Variants in NFIB observed in about 807,000 individuals in gnomAD.
NFIB encodes nuclear factor I B.
NFIB carries 11 observed loss-of-function variants against 61.5 expected under a neutral mutation model. The observed-to-expected ratio is 0.18, with a 90% CI of 0.11 to 0.30. The LOEUF (loss-of-function observed/expected upper bound fraction) is 0.30, where lower values mean the gene tolerates loss of function less well. Among genes scored for constraint, NFIB ranks in the 10% least tolerant of loss-of-function variants. NFIB has a pLI of 1.00. For missense variants in NFIB, 471 were observed against 608.9 expected (o/e 0.77, Z 2.38); for synonymous variants, 260 against 216.5 (o/e 1.20, Z -1.76).
chr9:14,242,545 G>C lies in NFIB; in HGVS notation c.563-62765C>G, dbSNP rs750032002. ...TAATAAAAATTGATTAAGCATCACA[G>C]AGCACAAACAAAGCTGCTCCATAAA... On this transcript the variant is annotated intron_variant, in intron 2 of 10. Transcript: ENST00000380953. 2.0e-5 allele frequency among the ~76,000 whole-genome samples: 3 copies of C among 152,224 alleles called. No individual in the cohort carries two copies. The East Asian group carries it at 5.8e-4, about 29-fold the overall frequency.
the NFIB span, among the ~76,000 whole-genome samples, chr9:14,420,747 C>G: frequency 6.6e-6 from 1 of 152,220 alleles, no homozygotes; most frequent in African/African-American, 2.4e-5. Flanking sequence ...TTCATCATAG[C>G]TAAAATACTA....
intron 2 of NFIB, among the ~76,000 whole-genome samples, chr9:14,198,227 G>T (rs564421976): frequency 6.6e-6 from 1 of 152,106 alleles, no homozygotes; most frequent in East Asian, 1.9e-4. Context: ...CACACTGCAC[G>T]TCTCCAAGGA....
intron 2 of NFIB, among the ~76,000 whole-genome samples, chr9:14,269,934 A>G (rs1316407666): frequency 1.3e-5 from 2 of 152,148 alleles, no homozygotes; most frequent in Admixed American, 6.6e-5. Context: ...TAAAAACAAA[A>G]TGGCAAGCTA....
intron 2 of NFIB, among the ~76,000 whole-genome samples, chr9:14,299,249 T>C (rs2059618944): frequency 1.3e-5 from 2 of 152,214 alleles, no homozygotes; most frequent in Non-Finnish European, 2.9e-5. Flanking sequence ...CATTTATCCA[T>C]GTATTTTTTT....
intron 1 of NFIB, among the ~76,000 whole-genome samples, chr9:14,348,634 C>CCTT (rs748106619): frequency 6.6e-6 from 1 of 152,202 alleles, no homozygotes; most frequent in Non-Finnish European, 1.5e-5. Context: ...CGCCTGGAAC[C>CCTT]CTTCTTCTTC....
intron 10 of NFIB, among the ~76,000 whole-genome samples, chr9:14,089,638 T>C (rs887269816): frequency 6.6e-6 from 1 of 152,168 alleles, no homozygotes; most frequent in South Asian, 2.1e-4. Flanking sequence ...TGGCCTAGCA[T>C]GGAAACATAC....
the NFIB span, among the ~76,000 whole-genome samples, chr9:14,423,800 T>A: frequency 6.6e-6 from 1 of 152,258 alleles, no homozygotes; most frequent in Non-Finnish European, 1.5e-5. Context: ...ATGCAGGGAA[T>A]ATTTGCATTC....
At chr9:14,427,753 G>A in the NFIB span, among the ~76,000 whole-genome samples, 3 of 151,962 alleles carry the variant, frequency 2.0e-5, no homozygotes, top group Non-Finnish European at 4.4e-5. Flanking sequence ...AAGAGTGACT[G>A]GTTGGAGAAC....
intron 2 of NFIB, among the ~76,000 whole-genome samples, chr9:14,276,645 T>C (rs1349790948): frequency 6.6e-6 from 1 of 152,150 alleles, no homozygotes; most frequent in Non-Finnish European, 1.5e-5. Context: ...CATCTTTAGA[T>C]GAGTAATAAT....
chr9:14,153,464 A>AT (rs2043073973), intron 4 of NFIB, among the ~76,000 whole-genome samples: 1 of 152,132 alleles, frequency 6.6e-6, no homozygotes, highest in African/African-American at 2.4e-5. Context: ...GCTGCAAATC[A>AT]TGTTTAAGAG....
chr9:14,216,523 T>C (rs1401655369), intron 2 of NFIB, among the ~76,000 whole-genome samples: 3 of 38,054 alleles, frequency 7.9e-5, no homozygotes, highest in African/African-American at 6.2e-4. Flanking sequence ...TCTCTCTCTC[T>C]CTCTCTCTCT....
rs58353906 is a variant in NFIB at position 14,387,020 on chromosome 9, A to C, written c.108+11504T>G. Among the ~76,000 whole-genome samples, 941 of 152,360 alleles carry C rather than the reference A, an allele frequency of 6.2e-3. 8 individuals carry two copies. Among genetic ancestry groups the C allele is most frequent in the African/African-American group, 0.022 (901 of 41,576 alleles). ...AAATGTAAAATGAAACTGACCACAG[A>C]ATGCTTTTCAAGGACTAGGGTTCCA... On this transcript the variant is annotated intron_variant, in intron 1 of 8. Coordinates refer to the NFIB transcript ENST00000380934.
At chr9:14,139,792 T>C (rs2131032469) in intron 6 of NFIB, among the ~76,000 whole-genome samples, 1 of 152,280 alleles carries the variant, frequency 6.6e-6, no homozygotes, top group African/African-American at 2.4e-5. Flanking sequence ...TCACCAACAA[T>C]TTATTGTTTT....
chr9:14,436,477 T>C, the NFIB span, among the ~76,000 whole-genome samples: 40,048 of 152,192 alleles, frequency 0.26, 5,629 homozygotes, highest in East Asian at 0.36. Flanking sequence ...TTGATGTCAG[T>C]CATTGTGTGG....
chr9:14,182,708 C>CTCTCTCTGTGTGTGTG lies in NFIB; in HGVS notation c.563-2929_563-2928insCACACACACAGAGAGA, dbSNP rs778914837. ...CCTCTCTCTCTCTCTCTCTCTCTCT[C>CTCTCTCTGTGTGTGTG]TGTGTGTGTGTGTGTGTGTGTGTGT... On this transcript the variant is annotated intron_variant, in intron 2 of 10. Coordinates refer to ENST00000380953, the MANE Select transcript of NFIB (RefSeq NM_001190737.2). 5.4e-4 allele frequency among the ~76,000 whole-genome samples: 52 copies of CTCTCTCTGTGTGTGTG among 96,992 alleles called. 1 individual carries two copies. Among genetic ancestry groups the CTCTCTCTGTGTGTGTG allele is most frequent in the African/African-American group, 1.8e-3 (40 of 22,742 alleles). 63.6% of individuals were successfully genotyped at this position (96,992 alleles called of 152,430 possible).
At chr9:14,463,476 G>T in the NFIB span, among the ~76,000 whole-genome samples, 3 of 151,820 alleles carry the variant, frequency 2.0e-5, no homozygotes, top group Admixed American at 6.6e-5. Context: ...AAAAAAAGCC[G>T]TTTCTGTCAC....
intron 6 of NFIB, among the ~76,000 whole-genome samples, chr9:14,130,947 T>C (rs550436108): frequency 1.3e-5 from 2 of 152,192 alleles, no homozygotes; most frequent in African/African-American, 4.8e-5. Flanking sequence ...ACTATGGCTA[T>C]GCATCAAGAT....
chr9:14,176,659 AAAGT>A (rs1377373209), intron 3 of NFIB, among the ~76,000 whole-genome samples: 3 of 152,098 alleles, frequency 2.0e-5, no homozygotes, highest in Non-Finnish European at 4.4e-5. Flanking sequence ...ACAGAAACTC[AAAGT>A]AAGAACTAAA....
intron 4 of NFIB, among the ~76,000 whole-genome samples, chr9:14,154,386 G>A (rs1316593884): frequency 6.6e-6 from 1 of 152,092 alleles, no homozygotes; most frequent in African/African-American, 2.4e-5. Context: ...AGAAGAGTAT[G>A]GGGAAGACAC....
Sources: gnomAD v4.1 joint callset for allele counts (sites outside exome capture counted in the v4.1 genomes callset) on GRCh38, gnomAD v4.1.1 for gene constraint, MANE v1.5 for transcripts, NCBI Gene and HGNC (gene_info 2026-07-23, HGNC 2026-07-21) for gene names.